NOMO1: variants seen among roughly 807,000 people sequenced by gnomAD.
NOMO1 encodes the protein nodal modulator 3.
NOMO1 carries 40 observed loss-of-function variants against 133.8 expected under a neutral mutation model. The ratio of observed to expected loss-of-function variants is 0.30; its 90% CI spans 0.23 to 0.39. The LOEUF (loss-of-function observed/expected upper bound fraction) is 0.39. NOMO1 is among the 10% of genes least tolerant of loss of function. NOMO1 has a pLI of 1.00. For synonymous variants in NOMO1, 236 were observed against 570.5 expected, an observed-to-expected ratio of 0.41 and a Z score of 8.36; for missense variants, 462 against 1,419.9, an observed-to-expected ratio of 0.33 and a Z score of 10.84.
intron 3 of NOMO1, among the ~76,000 whole-genome samples, chr16:14,843,715 TTG>T (rs59391735): frequency 0.1 from 12,669 of 125,818 alleles, 680 homozygotes; most frequent in Admixed American, 0.12. Flanking sequence ...ATTGGAGTCT[TTG>T]TGTGTGTGTG....
intron 24 of NOMO1, among the ~76,000 whole-genome samples, chr16:14,880,953 G>A (rs1964233826): frequency 6.6e-6 from 1 of 150,742 alleles, no homozygotes; most frequent in South Asian, 2.1e-4. Context: ...GGAGGCTGAA[G>A]TGGGAAGTTC....
rs1434639156 is a variant in NOMO1 at position 14,883,865 on chromosome 16, C to T, written c.3112-507C>T. 1.1e-4 allele frequency among the ~76,000 whole-genome samples: 16 copies of T among 151,014 alleles called. 1 individual carries two copies. The highest frequency in any genetic ancestry group is 9.9e-4 in the Admixed American group (15 of 15,184). ...AGGGGGTGCTGTGACTCTGCCCCTG[C>T]TCTAACAGGCAAGAGCATCCTTCTC... On this transcript the variant is annotated intron_variant, in intron 26 of 30. Coordinates refer to ENST00000287667, the MANE Select transcript of NOMO1 (RefSeq NM_014287.4).
At chr16:14,836,944 A>T (rs1264648607) in intron 1 of NOMO1, among the ~76,000 whole-genome samples, 1 of 151,566 alleles carries the variant, frequency 6.6e-6, no homozygotes, top group Non-Finnish European at 1.5e-5. Flanking sequence ...TGACCTCATG[A>T]TCCACCCGCC....
At chr16:14,855,833 A>C (rs1170217643) in intron 9 of NOMO1, among the ~76,000 whole-genome samples, 1 of 152,094 alleles carries the variant, frequency 6.6e-6, no homozygotes, top group Non-Finnish European at 1.5e-5. Flanking sequence ...AGTGCCTGGC[A>C]CATAGTAGGT....
chr16:14,874,989 G>A, intron 18 of NOMO1, 47 bp from the exon 19 acceptor site: 4 of 1,613,354 alleles, frequency 2.5e-6, no homozygotes, highest in Non-Finnish European at 1.7e-6. Flanking sequence ...AATTCCCACT[G>A]ACCACAAGGA....
chr16:14,839,756 T>C (rs1963577621), intron 2 of NOMO1, among the ~76,000 whole-genome samples: 1 of 151,854 alleles, frequency 6.6e-6, no homozygotes, highest in African/African-American at 2.4e-5. Flanking sequence ...TTTCTTTTTT[T>C]TTTGAGACAG....
In NOMO1 at chr16:14,871,620, G is replaced by C. The variant is rs1422639165; in HGVS notation, c.1895-1G>C. ...AATTACTTTTGATTTCCTGTCTGTAGGTGTGTACAAAGTGACCCCTCGCTC... is the reference window on the plus strand; with the variant it reads ...AATTACTTTTGATTTCCTGTCTGTACGTGTGTACAAAGTGACCCCTCGCTC... On this transcript the variant is annotated splice_acceptor_variant, in intron 16 of 30. Transcript: ENST00000287667. LOFTEE classifies it high-confidence loss of function. The C allele has an allele frequency of 5.6e-6, 9 of 1,610,718 alleles. No homozygotes were observed. Among genetic ancestry groups the C allele is most frequent in the Non-Finnish European group, 5.9e-6 (7 of 1,179,492 alleles).
At chr16:14,883,398 G>A (rs1334473394) in intron 26 of NOMO1, among the ~76,000 whole-genome samples, 3 of 150,064 alleles carry the variant, frequency 2.0e-5, no homozygotes, top group East Asian at 2.0e-4. Flanking sequence ...GTGCAGTGCC[G>A]TGATCTCGGC....
At chr16:14,866,145 C>T (rs1386927371) in intron 14 of NOMO1, among the ~76,000 whole-genome samples, 3 of 147,666 alleles carry the variant, frequency 2.0e-5, no homozygotes, top group Admixed American at 6.7e-5. Flanking sequence ...GCAACCTCTC[C>T]GCCTTCTGGG....
intron 1 of NOMO1, among the ~76,000 whole-genome samples, chr16:14,836,846 C>CA (rs1963521736): frequency 6.6e-6 from 1 of 151,164 alleles, no homozygotes; most frequent in African/African-American, 2.4e-5. Context: ...GCTGGGACTA[C>CA]AGGCGCCCGC....
intron 11 of NOMO1, among the ~76,000 whole-genome samples, chr16:14,860,710 T>C (rs1252466428): frequency 6.6e-6 from 1 of 151,968 alleles, no homozygotes; most frequent in Non-Finnish European, 1.5e-5. Flanking sequence ...GAAATATATT[T>C]ATTTTCTCCT....
rs138934847 is a variant in NOMO1 at position 14,882,596 on chromosome 16, G to A, written c.3030G>A (p.Pro1010=). Reference sequence around the variant, plus strand: ...CTGACTCCTGAGTTTTTTTGCAGCCGGGATGTGTGTACCACGTTCAGCTCA... The same window carrying A: ...CTGACTCCTGAGTTTTTTTGCAGCCAGGATGTGTGTACCACGTTCAGCTCA... The part of the protein sequence containing the change: ...EGKFRLRGLL[P]GCVYHVQLKA... The change falls in exon 26 of 31, where the codon CCG becomes CCA. Residue 1010 remains proline, a splice_region_variant and synonymous_variant. Transcript: ENST00000287667. 4.2e-3 allele frequency: 6,816 copies of A among 1,611,506 alleles called. 60 individuals carry two copies. Among genetic ancestry groups the A allele is most frequent in the Middle Eastern group, 9.3e-3 (41 of 4,428 alleles).
chr16:14,894,354 C>A (rs1964449348), intron 29 of NOMO1, among the ~76,000 whole-genome samples: 1 of 152,126 alleles, frequency 6.6e-6, no homozygotes, highest in Non-Finnish European at 1.5e-5. Flanking sequence ...GTGGCACTTA[C>A]CGCTTCTGTT....
At chr16:14,856,020 A>C (rs1963828726) in intron 9 of NOMO1, among the ~76,000 whole-genome samples, 1 of 152,080 alleles carries the variant, frequency 6.6e-6, no homozygotes, top group Non-Finnish European at 1.5e-5. Context: ...CCTGCATAAA[A>C]AGGAAGTCAT....
rs7179 is a variant in NOMO1, at chr16:14,895,987, G to A, written c.*342G>A. 1,352,847 of 1,586,458 alleles carry A rather than the reference G, an allele frequency of 0.85. 564,332 individuals are homozygous for A. Among genetic ancestry groups the A allele is most frequent in the Admixed American group, 0.91 (53,918 of 59,530 alleles). ...TTGATCTTCAGCCTTCGTTTGCAAG[G>A]AGAGTTCCAGTTGACGTGGTGTTTG... On this transcript the variant is annotated 3_prime_UTR_variant, in exon 31 of 31. Transcript: ENST00000287667.
intron 4 of NOMO1, among the ~76,000 whole-genome samples, chr16:14,845,673 T>C (rs1963669573): frequency 6.6e-6 from 1 of 151,924 alleles, no homozygotes; most frequent in Non-Finnish European, 1.5e-5. Context: ...CTTCTCTTCA[T>C]GATGGACTTC....
In NOMO1 at chr16:14,884,541, G is replaced by A. The variant is rs546665078; in HGVS notation, c.3222+59G>A. 1,655 of 1,609,212 alleles carry A rather than the reference G, an allele frequency of 1.0e-3. 16 individuals are homozygous for A. Among genetic ancestry groups the A allele is most frequent in the Non-Finnish European group, 1.3e-3 (1,479 of 1,178,072 alleles). On this transcript the variant is annotated intron_variant, in intron 27 of 30. Coordinates refer to ENST00000287667, the MANE Select transcript of NOMO1 (RefSeq NM_014287.4). ...TTCCCTTTGGCTTTGAGACAAGTAC[G>A]AATGGGATGTTTTTGGGTTTGTGCC...
At chr16:14,857,793 A>G in intron 11 of NOMO1, 138 bp downstream of exon 11, 1 of 692,674 alleles carries the variant, frequency 1.4e-6, no homozygotes, top group East Asian at 3.0e-5. Context: ...TTTTTTTTTG[A>G]GAGACAGAGT....
intron 17 of NOMO1, 150 bp from the exon 18 acceptor site, chr16:14,872,084 A>G (rs1384221245): frequency 2.6e-6 from 2 of 763,632 alleles, no homozygotes; most frequent in South Asian, 3.2e-5. Flanking sequence ...TCTTTAAAAT[A>G]CTTCTCTGGA....
Sources: gnomAD v4.1 joint callset for allele counts (sites outside exome capture counted in the v4.1 genomes callset) on GRCh38, gnomAD v4.1.1 for gene constraint, MANE v1.5 for transcripts, NCBI Gene and HGNC (gene_info 2026-07-23, HGNC 2026-07-21) for gene names.